The following RBFOX1 variants were observed in gnomAD, a reference collection of about 807,000 sequenced individuals.
RBFOX1 encodes the protein RNA binding protein fox-1 homolog 1.
In RBFOX1, 8 loss-of-function variants were observed where a neutral mutation model predicts 57.7. That is an observed-to-expected ratio of 0.14 (90% CI 0.08 to 0.25). RBFOX1 has a LOEUF of 0.25. Ranked by LOEUF, RBFOX1 falls within the 10% of genes least tolerant of loss-of-function variation. The probability of loss-of-function intolerance (pLI) is 1.00; values close to 1 mark genes in which losing one functional copy is unlikely to be tolerated. For synonymous variants in RBFOX1, 326 were observed against 222.4 expected (o/e 1.47, Z -4.15); for missense variants, 611 against 548.5 (o/e 1.11, Z -1.14).
chr16:6,752,833 C>G (rs2075172885), intron 3 of RBFOX1, among the ~76,000 whole-genome samples: 1 of 146,588 alleles, frequency 6.8e-6, no homozygotes, highest in South Asian at 2.1e-4. Flanking sequence ...TTTTTTTTAG[C>G]AGGGTTCTGT....
chr16:7,277,983 T>G (rs4786143), intron 4 of RBFOX1, among the ~76,000 whole-genome samples: 20 of 152,098 alleles, frequency 1.3e-4, no homozygotes, highest in Admixed American at 9.2e-4. Flanking sequence ...CATTAATATT[T>G]TATTGAAAAG....
At chr16:6,773,271 G>A (rs185472859) in intron 3 of RBFOX1, among the ~76,000 whole-genome samples, 18 of 147,202 alleles carry the variant, frequency 1.2e-4, no homozygotes, top group Non-Finnish European at 2.4e-4. Flanking sequence ...GCATTTGTGT[G>A]TGTGTAAGTG....
chr16:6,907,982 CTG>C (rs1188615964), intron 3 of RBFOX1, among the ~76,000 whole-genome samples: 1 of 151,698 alleles, frequency 6.6e-6, no homozygotes, highest in East Asian at 1.9e-4. Flanking sequence ...ATGGATGTCT[CTG>C]TGTCTCTATT....
rs1568014939 is a variant in RBFOX1 at position 7,280,959 on chromosome 16, C to CCCTG, written c.27+228864_27+228865insGCCT. Among the ~76,000 whole-genome samples, 22 of 81,240 alleles carry CCCTG rather than the reference C, an allele frequency of 2.7e-4. 1 individual carries two copies. The highest frequency in any genetic ancestry group is 1.8e-3 in the African/African-American group (22 of 12,388). The allele number at this position is 81,240 out of a possible 152,430, so 53.3% of individuals were successfully genotyped here. On this transcript the variant is annotated intron_variant, in intron 4 of 15. Coordinates refer to ENST00000550418, the MANE Select transcript of RBFOX1 (RefSeq NM_018723.4). ...ATTGCATGTGATTCCCTACCTACCT[C>CCCTG]CCTCCCTCCCTCCCTCCCTCCCTCC...
intron 3 of RBFOX1, among the ~76,000 whole-genome samples, chr16:6,711,750 A>G (rs569868144): frequency 6.6e-6 from 1 of 152,278 alleles, no homozygotes; most frequent in African/African-American, 2.4e-5. Context: ...CACTGAGCCC[A>G]TCCTGTCTCA....
At chr16:6,228,248 G>T (rs887763497) in intron 1 of RBFOX1, among the ~76,000 whole-genome samples, 8 of 152,102 alleles carry the variant, frequency 5.3e-5, no homozygotes, top group Non-Finnish European at 8.8e-5. Context: ...GCTTGAACCT[G>T]GGAGGCAGAG....
intron 3 of RBFOX1, among the ~76,000 whole-genome samples, chr16:6,868,097 A>G (rs886665891): frequency 3.9e-5 from 6 of 152,198 alleles, no homozygotes; most frequent in Non-Finnish European, 8.8e-5. Context: ...AATATGTGAA[A>G]TTTTGATCAA....
At chr16:6,023,752 C>A (rs913262702) in intron 1 of RBFOX1, among the ~76,000 whole-genome samples, 1 of 152,180 alleles carries the variant, frequency 6.6e-6, no homozygotes, top group African/African-American at 2.4e-5. Flanking sequence ...CTAAAATCAT[C>A]CTTTAATCTG....
chr16:5,531,014 A>G (rs1051927086), intron 2 of RBFOX1, among the ~76,000 whole-genome samples: 6 of 150,322 alleles, frequency 4.0e-5, no homozygotes, highest in Non-Finnish European at 3.0e-5. Context: ...AGTCCCAGCT[A>G]CTTGGGAGGC....
At chr16:5,450,705 G>T (rs1452716300) in intron 1 of RBFOX1, among the ~76,000 whole-genome samples, 1 of 152,192 alleles carries the variant, frequency 6.6e-6, no homozygotes, top group Non-Finnish European at 1.5e-5. Flanking sequence ...ACCGCTCCGT[G>T]CTGGAATTCG....
intron 4 of RBFOX1, among the ~76,000 whole-genome samples, chr16:7,161,973 A>T (rs1028947865): frequency 5.9e-5 from 9 of 152,322 alleles, no homozygotes; most frequent in African/African-American, 2.2e-4. Flanking sequence ...ACCACTAAAA[A>T]CATATTTGTT....
chr16:7,067,418 T>A (rs1388219193), intron 4 of RBFOX1, among the ~76,000 whole-genome samples: 1 of 152,112 alleles, frequency 6.6e-6, no homozygotes, highest in Non-Finnish European at 1.5e-5. Flanking sequence ...CAAGGCTGTG[T>A]TTCTTTTGGA....
chr16:5,999,296 C>G (rs150210904), intron 4 of RBFOX1, among the ~76,000 whole-genome samples: 43 of 152,352 alleles, frequency 2.8e-4, no homozygotes, highest in African/African-American at 9.9e-4. Context: ...CCTCATGCTT[C>G]TTCCCCAAAC....
intron 4 of RBFOX1, among the ~76,000 whole-genome samples, chr16:7,284,573 C>G (rs1487893534): frequency 6.6e-6 from 1 of 152,154 alleles, no homozygotes. Context: ...TCAAGCAGTC[C>G]TCCCACCTTA....
chr16:7,478,888 G>A (rs1339036411), intron 4 of RBFOX1, among the ~76,000 whole-genome samples: 2 of 152,064 alleles, frequency 1.3e-5, no homozygotes, highest in East Asian at 1.9e-4. Flanking sequence ...CATCTTGAAC[G>A]GGGCTAGTTT....
intron 4 of RBFOX1, among the ~76,000 whole-genome samples, chr16:7,500,180 G>A (rs1308590087): frequency 6.6e-6 from 1 of 152,168 alleles, no homozygotes; most frequent in Non-Finnish European, 1.5e-5. Context: ...AGACTCTCCA[G>A]TCTCAAGTGG....
chr16:6,745,885 C>G (rs559635191), intron 3 of RBFOX1, among the ~76,000 whole-genome samples: 1 of 152,138 alleles, frequency 6.6e-6, no homozygotes, highest in Non-Finnish European at 1.5e-5. Flanking sequence ...AAATTTTATG[C>G]TCTCTAAAAC....
chr16:5,639,169 C>G lies in RBFOX1; in HGVS notation c.318+40208C>G, dbSNP rs536274534. On this transcript the variant is annotated intron_variant, in intron 3 of 19. Coordinates refer to the RBFOX1 transcript ENST00000641259. ...AATACAGTTTTATTAGTCACTTGAACTTGCTTTTGGCTTCCTCTTGCGTGA... is the reference window on the plus strand; with the variant it reads ...AATACAGTTTTATTAGTCACTTGAAGTTGCTTTTGGCTTCCTCTTGCGTGA... Among the ~76,000 whole-genome samples the G allele has an allele frequency of 3.9e-5, 6 of 152,302 alleles. No homozygotes were observed. In the South Asian group the frequency reaches 1.0e-3, roughly 26 times the overall value.
At chr16:6,263,429 G>GA (rs1166073225) in intron 1 of RBFOX1, among the ~76,000 whole-genome samples, 1 of 152,066 alleles carries the variant, frequency 6.6e-6, no homozygotes, top group Non-Finnish European at 1.5e-5. Flanking sequence ...TTGGTTGGGG[G>GA]AAAAAAGTAA....
Sources: gnomAD v4.1 joint callset for allele counts (sites outside exome capture counted in the v4.1 genomes callset) on GRCh38, gnomAD v4.1.1 for gene constraint, MANE v1.5 for transcripts, NCBI Gene and HGNC (gene_info 2026-07-23, HGNC 2026-07-21) for gene names.